Variants in DPYD observed in about 807,000 individuals in gnomAD.
The protein encoded by DPYD is dihydropyrimidine dehydrogenase.
DPYD carries 109 observed loss-of-function variants against 116.2 expected under a neutral mutation model. The observed-to-expected ratio is 0.94, with a 90% CI of 0.80 to 1.10. DPYD has a LOEUF of 1.10. Ranked by LOEUF, DPYD falls within the 50% of genes least tolerant of loss-of-function variation. DPYD has a pLI of 0.00. For synonymous variants in DPYD, 440 were observed against 432.0 expected (o/e 1.02, Z -0.23); for missense variants, 1,302 against 1,254.5 (o/e 1.04, Z -0.57).
intron 13 of DPYD, among the ~76,000 whole-genome samples, chr1:97,487,386 C>A (rs1678697637): frequency 6.6e-6 from 1 of 152,000 alleles, no homozygotes; most frequent in Non-Finnish European, 1.5e-5. Flanking sequence ...ATTAAAATGA[C>A]AATGAGGCCA....
chr1:97,642,482 G>C (rs1241385774), intron 8 of DPYD, among the ~76,000 whole-genome samples: 1 of 151,960 alleles, frequency 6.6e-6, no homozygotes, highest in East Asian at 1.9e-4. Flanking sequence ...ACAAAAACAA[G>C]AAATGGGGAA....
intron 20 of DPYD, among the ~76,000 whole-genome samples, chr1:97,148,251 TG>T (rs1179340694): frequency 1.3e-5 from 1 of 74,410 alleles, no homozygotes; most frequent in Admixed American, 1.2e-4. Flanking sequence ...TGTGTGTGTG[TG>T]TGGGGGGGGT....
intron 3 of DPYD, among the ~76,000 whole-genome samples, chr1:97,790,605 A>C (rs1455394279): frequency 1.3e-5 from 2 of 152,224 alleles, no homozygotes; most frequent in Non-Finnish European, 2.9e-5. Flanking sequence ...AATGTGGATA[A>C]TACCATATGT....
intron 1 of DPYD, among the ~76,000 whole-genome samples, chr1:97,900,000 C>T (rs1396513785): frequency 6.6e-6 from 1 of 151,940 alleles, no homozygotes; most frequent in Admixed American, 6.6e-5. Flanking sequence ...ACCCCTATTA[C>T]ATTTTGGGAG....
intron 18 of DPYD, among the ~76,000 whole-genome samples, chr1:97,304,134 T>C (rs1254066855): frequency 1.3e-5 from 2 of 152,030 alleles, no homozygotes; most frequent in Non-Finnish European, 2.9e-5. Flanking sequence ...ACCTCCTTTA[T>C]TCTCTTGCTG....
At chr1:97,654,412 T>C (rs1036122173) in intron 8 of DPYD, among the ~76,000 whole-genome samples, 2 of 152,168 alleles carry the variant, frequency 1.3e-5, no homozygotes, top group African/African-American at 4.8e-5. Flanking sequence ...TACTGACCAA[T>C]ATAATATAAT....
At chr1:97,510,782 T>A (rs76807833) in intron 13 of DPYD, among the ~76,000 whole-genome samples, 1,582 of 152,108 alleles carry the variant, frequency 0.01, 13 homozygotes, top group South Asian at 0.033. Flanking sequence ...AATACGGAAG[T>A]AACACTGTGT....
At chr1:97,292,726 A>G (rs1468232960) in intron 18 of DPYD, among the ~76,000 whole-genome samples, 16 of 112,216 alleles carry the variant, frequency 1.4e-4, no homozygotes, top group East Asian at 6.3e-4. Flanking sequence ...GCGCGAGCAC[A>G]CACACACACA....
chr1:97,170,196 C>G (rs1219004370), intron 20 of DPYD, among the ~76,000 whole-genome samples: 1 of 152,156 alleles, frequency 6.6e-6, no homozygotes, highest in Non-Finnish European at 1.5e-5. Flanking sequence ...CATTACAATG[C>G]TTGAGTAAGG....
intron 20 of DPYD, among the ~76,000 whole-genome samples, chr1:97,177,699 C>A (rs2101791366): frequency 6.6e-6 from 1 of 151,992 alleles, no homozygotes; most frequent in African/African-American, 2.4e-5. Context: ...GAGTAAGGTG[C>A]ACACTCTTCT....
At chr1:97,471,569 T>G (rs182129464) in intron 13 of DPYD, among the ~76,000 whole-genome samples, 1 of 150,632 alleles carries the variant, frequency 6.6e-6, no homozygotes, top group Non-Finnish European at 1.5e-5. Flanking sequence ...AGTAAATTAG[T>G]ATGGGATGTG....
intron 19 of DPYD, among the ~76,000 whole-genome samples, chr1:97,214,269 C>A (rs1312046270): frequency 6.6e-6 from 1 of 152,116 alleles, no homozygotes. Flanking sequence ...TAAAATTGCA[C>A]ACTATTTTCA....
chr1:97,142,809 G>A (rs1654327565), intron 20 of DPYD, among the ~76,000 whole-genome samples: 1 of 151,630 alleles, frequency 6.6e-6, no homozygotes, highest in Non-Finnish European at 1.5e-5. Flanking sequence ...TTTAAATTTG[G>A]TTCTTCTAAG....
At chr1:97,698,662 T>C (rs1294236864) in intron 6 of DPYD, among the ~76,000 whole-genome samples, 1 of 151,916 alleles carries the variant, frequency 6.6e-6, no homozygotes, top group East Asian at 1.9e-4. Context: ...TGAGTAATAT[T>C]ATTCAGTTAC....
intron 18 of DPYD, among the ~76,000 whole-genome samples, chr1:97,297,506 A>G (rs1666605975): frequency 6.6e-6 from 1 of 152,178 alleles, no homozygotes; most frequent in Non-Finnish European, 1.5e-5. Context: ...ACAGTCTATA[A>G]AGATGACTTT....
chr1:97,583,982 T>C (rs1653897217), intron 10 of DPYD, among the ~76,000 whole-genome samples: 2 of 152,180 alleles, frequency 1.3e-5, no homozygotes, highest in African/African-American at 4.8e-5. Flanking sequence ...CCCTGAGGAA[T>C]AGCCACACTG....
At chr1:97,162,099 G>C (rs1282575595) in intron 20 of DPYD, among the ~76,000 whole-genome samples, 1 of 151,880 alleles carries the variant, frequency 6.6e-6, no homozygotes, top group East Asian at 1.9e-4. Flanking sequence ...TAATGGGATG[G>C]CTGGGTCAAA....
At chr1:97,642,297 A>G (rs1489913919) in intron 8 of DPYD, among the ~76,000 whole-genome samples, 1 of 152,132 alleles carries the variant, frequency 6.6e-6, no homozygotes, top group Non-Finnish European at 1.5e-5. Context: ...AACATTAAGC[A>G]TGAAGAACAA....
At chr1:97,779,028 C>T (rs914694557) in intron 3 of DPYD, among the ~76,000 whole-genome samples, 1 of 151,982 alleles carries the variant, frequency 6.6e-6, no homozygotes, top group Non-Finnish European at 1.5e-5. Flanking sequence ...GCCATAATGT[C>T]TAGAAATTAT....
Sources: allele counts gnomAD v4.1 joint callset (sites outside exome capture counted in the v4.1 genomes callset), GRCh38; gene constraint gnomAD v4.1.1; transcripts MANE v1.5; gene names NCBI Gene and HGNC (gene_info 2026-07-23, HGNC 2026-07-21).